The following DNAH10 variants were observed in gnomAD, a reference collection of about 807,000 sequenced individuals.
The protein encoded by DNAH10 is dynein axonemal heavy chain 10, also known as axonemal beta dynein heavy chain 10.
In DNAH10, 348 loss-of-function variants were observed where a neutral mutation model predicts 506.6. The ratio of observed to expected loss-of-function variants is 0.69; its 90% CI spans 0.63 to 0.75. The LOEUF (loss-of-function observed/expected upper bound fraction) is 0.75, where lower values mean the gene tolerates loss of function less well. Among genes scored for constraint, DNAH10 ranks in the 30% least tolerant of loss-of-function variants. The probability of loss-of-function intolerance (pLI) is 0.00; values close to 1 mark genes in which losing one functional copy is unlikely to be tolerated. For synonymous variants in DNAH10, 2,059 were observed against 2,198.6 expected (o/e 0.94, Z 1.78); for missense variants, 5,179 against 5,787.1 (o/e 0.89, Z 3.41).
chr12:123,819,056 C>T lies in DNAH10; in HGVS notation c.3887C>T (p.Thr1296Ile). Residue 1296 changes from threonine to isoleucine, a missense_variant, in exon 22 of 79, where the codon ACT (threonine) becomes ATT (isoleucine). By Grantham distance (89) the Thr-to-Ile change is moderately conservative. Coordinates refer to ENST00000673944, the MANE Select transcript of DNAH10 (RefSeq NM_001372106.1). The part of the protein sequence containing the change: ...VEHALGDIKR[T>I]FTELTRGEIM... ...CATGCTCTTGGGGACATAAAGAGAA[C>T]TTTCACAGAGGTACCTTTTAAATTT... The T allele has an allele frequency of 6.2e-7, 1 of 1,602,078 alleles. No homozygotes were observed. Among genetic ancestry groups the T allele is most frequent in the Non-Finnish European group, 8.5e-7 (1 of 1,173,798 alleles).
intron 71 of DNAH10, 38 bp from the exon 72 acceptor site, chr12:123,929,626 G>A (rs1459543458): frequency 6.3e-7 from 1 of 1,595,058 alleles, no homozygotes; most frequent in East Asian, 2.3e-5. Flanking sequence ...ACAGCTTGGT[G>A]GGTTTCAGTA....
Position 123,875,792 on chromosome 12 carries a change from C to G in DNAH10, c.8199+301C>G, listed in dbSNP as rs867089289. Among the ~76,000 whole-genome samples the G allele has an allele frequency of 2.6e-5, 4 of 152,252 alleles. No individual in the cohort carries two copies. The South Asian group carries it at 8.3e-4, about 32-fold the overall frequency. ...GTGCTCATGCCACATTGAGTGACAG[C>G]GAAGAATCAACTAGCAGGCTGGGGC... On this transcript the variant is annotated intron_variant, in intron 47 of 78. Coordinates refer to ENST00000673944, the MANE Select transcript of DNAH10 (RefSeq NM_001372106.1).
At chr12:123,790,955 A>G (rs895744639) in intron 11 of DNAH10, among the ~76,000 whole-genome samples, 1 of 152,022 alleles carries the variant, frequency 6.6e-6, no homozygotes, top group African/African-American at 2.4e-5. Flanking sequence ...TGAGATGCCC[A>G]TCTCTACAAA....
rs530260814 is a variant in DNAH10, at chr12:123,824,047, G to A, written c.4180-2640G>A. 4.6e-5 allele frequency among the ~76,000 whole-genome samples: 7 copies of A among 152,260 alleles called. No homozygotes were observed. In the East Asian group the frequency reaches 1.4e-3, roughly 29 times the overall value. On this transcript the variant is annotated intron_variant, in intron 24 of 78. Transcript: ENST00000673944. ...GTTGTGTGCTGAGAAGAGTCTCAGT[G>A]ACACACTGGGTGGCTTCTGGGAGGC...
At chr12:123,773,023 C>T in intron 4 of DNAH10, 81 bp downstream of exon 4, 1 of 948,728 alleles carries the variant, frequency 1.1e-6, no homozygotes, top group Non-Finnish European at 1.6e-6. Flanking sequence ...ATTCTGTTGT[C>T]TTTTTATGGT....
rs530150220 is a variant in DNAH10, at chr12:123,914,623, G to T, written c.10574+73G>T. ...GGGGGTCTACGTGGGTGTCACCCTG[G>T]GGGGAGGCAATGGCCTGGGGGGCAT... is the stretch of plus-strand genomic sequence containing the variant. On this transcript the variant is annotated intron_variant, in intron 61 of 78. Transcript: ENST00000673944. 236 of 1,503,538 alleles carry T rather than the reference G, an allele frequency of 1.6e-4. 1 individual carries two copies. The African/African-American group carries it at 2.9e-3, about 18-fold the overall frequency. 93.1% of individuals were successfully genotyped at this position (1,503,538 alleles called of 1,614,324 possible).
chr12:123,914,622 G>C (rs988929108), intron 61 of DNAH10, 72 bp downstream of exon 61: 1 of 1,503,322 alleles, frequency 6.7e-7, no homozygotes, highest in Non-Finnish European at 8.9e-7. Context: ...GTGTCACCCT[G>C]GGGGGAGGCA....
chr12:123,872,221 G>A (rs78273100), intron 45 of DNAH10, among the ~76,000 whole-genome samples: 4,069 of 152,108 alleles, frequency 0.027, 113 homozygotes, highest in African/African-American at 0.07. Flanking sequence ...GTCGGGGGTC[G>A]GATATGTACC....
chr12:123,933,193 C>T (rs954353285), intron 76 of DNAH10, 138 bp from the exon 77 acceptor site: 30 of 699,246 alleles, frequency 4.3e-5, no homozygotes, highest in East Asian at 3.0e-4. Context: ...CTCAGACAGG[C>T]GGCCAGTTGT....
intron 21 of DNAH10, among the ~76,000 whole-genome samples, chr12:123,817,326 A>G (rs564745756): frequency 1.8e-4 from 28 of 151,900 alleles, no homozygotes; most frequent in South Asian, 1.2e-3. Flanking sequence ...TGGGACTCCA[A>G]TTCCACATAT....
At chr12:123,899,492 C>T (rs967449461) in intron 56 of DNAH10, among the ~76,000 whole-genome samples, 6 of 152,170 alleles carry the variant, frequency 3.9e-5, no homozygotes, top group Non-Finnish European at 7.4e-5. Context: ...AGTGTCATCT[C>T]GGTTCAGTTC....
chr12:123,806,240 TATC>T (rs1392010440), intron 18 of DNAH10, among the ~76,000 whole-genome samples: 3 of 152,196 alleles, frequency 2.0e-5, no homozygotes, highest in Non-Finnish European at 4.4e-5. Context: ...AGTGTGTAGG[TATC>T]TATGATTCAC....
Position 123,863,960 on chromosome 12 carries a change from C to T in DNAH10, c.6909-635C>T, listed in dbSNP as rs538332935. On this transcript the variant is annotated intron_variant, in intron 39 of 78. Coordinates refer to ENST00000673944, the MANE Select transcript of DNAH10 (RefSeq NM_001372106.1). ...AATGAGGTAGGAGTTGTGGCAGGGG[C>T]AGGGACTATGACACTTTCTGTCTTC... Among the ~76,000 whole-genome samples the T allele has an allele frequency of 1.2e-4, 18 of 152,280 alleles. No individual in the cohort carries two copies. The South Asian group carries it at 3.7e-3, about 32-fold the overall frequency.
chr12:123,898,686 A>G lies in DNAH10; in HGVS notation c.9512A>G (p.Lys3171Arg). The change falls in exon 56 of 79, where the codon AAG becomes AGG. Residue 3171 changes from lysine (K) to arginine (R), a missense_variant. Physicochemically the swap from Lys to Arg is conservative, Grantham distance 26 (BLOSUM62 2). Transcript: ENST00000673944. ...AAGCGTCTGGATGGGGGACTGGACAAGCTGAAGGAGGCCACCATCCAGCTG... is the reference window on the plus strand; with the variant it reads ...AAGCGTCTGGATGGGGGACTGGACAGGCTGAAGGAGGCCACCATCCAGCTG... ...QCKRLDGGLD[K>R]LKEATIQLDE... The G allele has an allele frequency of 6.3e-7, 1 of 1,597,172 alleles. No homozygotes were observed. The highest frequency in any genetic ancestry group is 8.5e-7 in the Non-Finnish European group (1 of 1,172,194).
chr12:123,777,532 G>A (rs1273165936), intron 5 of DNAH10, among the ~76,000 whole-genome samples: 5 of 152,242 alleles, frequency 3.3e-5, no homozygotes, highest in African/African-American at 1.2e-4. Flanking sequence ...TGAGCTGCCT[G>A]CACACAAGGG....
intron 61 of DNAH10, 58 bp downstream of exon 61, chr12:123,914,608 G>T (rs79478560): frequency 6.5e-7 from 1 of 1,542,656 alleles, no homozygotes; most frequent in South Asian, 1.2e-5. Context: ...GGGGGTCTAC[G>T]TGGGTGTCAC....
rs186685247 is a variant in DNAH10 at position 123,842,720 on chromosome 12, T to A, written c.5360+1175T>A. On this transcript the variant is annotated intron_variant, in intron 30 of 78. Coordinates refer to ENST00000673944, the MANE Select transcript of DNAH10 (RefSeq NM_001372106.1). Reference sequence around the variant, plus strand: ...GGTAAAACTGGATGTCTGGAAAAAATTTTTTTAAAGCTTTGATTTAAAGCA... The same window carrying A: ...GGTAAAACTGGATGTCTGGAAAAAAATTTTTTAAAGCTTTGATTTAAAGCA... Among the ~76,000 whole-genome samples, 31 of 152,304 alleles carry A rather than the reference T, an allele frequency of 2.0e-4. No homozygotes were observed. The East Asian group carries it at 2.3e-3, about 11-fold the overall frequency.
At chr12:123,866,157 T>C (rs10773043) in intron 41 of DNAH10, 84 bp downstream of exon 41, 592,373 of 1,227,562 alleles carry the variant, frequency 0.48, 147,800 homozygotes, top group Non-Finnish European at 0.5. Context: ...TGTTTGTAGT[T>C]GAAGGCGATG....
intron 29 of DNAH10, 103 bp downstream of exon 29, chr12:123,838,792 C>G (rs1950661587): frequency 3.8e-6 from 4 of 1,059,230 alleles, no homozygotes; most frequent in Non-Finnish European, 5.5e-6. Flanking sequence ...AGGGTTAAGA[C>G]TGAAATGCTG....
Sources: gnomAD v4.1 joint callset for allele counts (sites outside exome capture counted in the v4.1 genomes callset) on GRCh38, gnomAD v4.1.1 for gene constraint, MANE v1.5 for transcripts, NCBI Gene and HGNC (gene_info 2026-07-23, HGNC 2026-07-21) for gene names.